Variants in PTPRJ observed in about 807,000 individuals in gnomAD.
PTPRJ encodes receptor-type tyrosine-protein phosphatase eta.
A neutral mutation model predicts 141.3 loss-of-function variants in PTPRJ; 129 were observed. The observed-to-expected ratio is 0.91, with a 90% CI of 0.79 to 1.06. The LOEUF (loss-of-function observed/expected upper bound fraction) is 1.06. PTPRJ is among the 50% of genes least tolerant of loss of function. The pLI is 0.00. For missense variants in PTPRJ, 1,601 were observed against 1,679.7 expected, an observed-to-expected ratio of 0.95 and a Z score of 0.82; for synonymous variants, 610 against 640.5, an observed-to-expected ratio of 0.95 and a Z score of 0.72.
At chr11:48,046,908 ATATATT>A (rs1331858197) in intron 1 of PTPRJ, among the ~76,000 whole-genome samples, 3 of 85,910 alleles carry the variant, frequency 3.5e-5, no homozygotes, top group African/African-American at 8.5e-5. Flanking sequence ...ATATATATAT[ATATATT>A]TTTTTTTTTT....
chr11:48,150,289 G>A, intron 18 of PTPRJ, 106 bp downstream of exon 18: 1 of 874,734 alleles, frequency 1.1e-6, no homozygotes, highest in South Asian at 1.5e-5. Flanking sequence ...AACACTCGAG[G>A]GACTGTAGGC....
chr11:48,071,027 T>G (rs1855232102), intron 1 of PTPRJ, among the ~76,000 whole-genome samples: 1 of 152,210 alleles, frequency 6.6e-6, no homozygotes, highest in Non-Finnish European at 1.5e-5. Context: ...TACAAATTGC[T>G]GTTAAAGTAT....
At chr11:48,166,575 A>G (rs1184189684) in intron 24 of PTPRJ, among the ~76,000 whole-genome samples, 1 of 152,002 alleles carries the variant, frequency 6.6e-6, no homozygotes, top group Non-Finnish European at 1.5e-5. Flanking sequence ...TGGCCTCCCC[A>G]AAGTGCTGGG....
chr11:48,086,701 G>A (rs1355018841), intron 1 of PTPRJ, among the ~76,000 whole-genome samples: 1 of 152,206 alleles, frequency 6.6e-6, no homozygotes, highest in South Asian at 2.1e-4. Flanking sequence ...GGCCACCTGC[G>A]TCTCTCGACT....
At position 48,098,801 on chromosome 11, in the gene PTPRJ, G is replaced by A. The variant is rs558577715; in HGVS notation, c.97-11257G>A. Among the ~76,000 whole-genome samples the A allele has an allele frequency of 2.4e-3, 38 of 16,006 alleles. 12 individuals are homozygous for A. The highest frequency in any genetic ancestry group is 3.4e-3 in the African/African-American group (38 of 11,108). 10.5% of individuals were successfully genotyped at this position (16,006 alleles called of 152,430 possible). On this transcript the variant is annotated intron_variant, in intron 1 of 24. Coordinates refer to ENST00000418331, the MANE Select transcript of PTPRJ (RefSeq NM_002843.4). ...CCCAAAGTGCTGGGATTACAGGCGT[G>A]AGCCACCGCGCCCGGCCTTTATCTC...
At chr11:48,024,426 G>C (rs1235701335) in intron 1 of PTPRJ, among the ~76,000 whole-genome samples, 2 of 152,188 alleles carry the variant, frequency 1.3e-5, no homozygotes, top group Non-Finnish European at 2.9e-5. Flanking sequence ...TCGAACTCCT[G>C]ACCTCAAGTG....
intron 6 of PTPRJ, among the ~76,000 whole-genome samples, chr11:48,127,040 C>T (rs931225503): frequency 2.0e-5 from 3 of 152,168 alleles, no homozygotes; most frequent in Non-Finnish European, 2.9e-5. Context: ...GGACAGGAGG[C>T]CCAGAGCAGG....
chr11:48,147,590 A>G (rs1454040760), intron 15 of PTPRJ, among the ~76,000 whole-genome samples: 2 of 152,206 alleles, frequency 1.3e-5, no homozygotes, highest in African/African-American at 4.8e-5. Context: ...GTCCCTTCCA[A>G]GGATGCAGAA....
At chr11:48,001,349 A>AGTGTGTGT (rs57503257) in intron 1 of PTPRJ, among the ~76,000 whole-genome samples, 2,168 of 134,726 alleles carry the variant, frequency 0.016, 16 homozygotes, top group Non-Finnish European at 0.02. Flanking sequence ...ACAGCCCCAA[A>AGTGTGTGT]GTGTGTGTGT....
At chr11:48,091,268 C>A (rs916963096) in intron 1 of PTPRJ, among the ~76,000 whole-genome samples, 1 of 152,144 alleles carries the variant, frequency 6.6e-6, no homozygotes, top group Non-Finnish European at 1.5e-5. Flanking sequence ...GAGAGCATCC[C>A]TTATATCACA....
intron 1 of PTPRJ, among the ~76,000 whole-genome samples, chr11:47,987,349 G>T (rs1452708058): frequency 6.6e-6 from 1 of 152,090 alleles, no homozygotes; most frequent in African/African-American, 2.4e-5. Context: ...ATAAAAAGTT[G>T]GTCTAAAGAA....
Position 48,159,933 on chromosome 11 carries a change from A to G in PTPRJ, c.3442A>G (p.Lys1148Glu). The G allele has an allele frequency of 6.2e-7, 1 of 1,613,996 alleles. No homozygotes were observed. The highest frequency in any genetic ancestry group is 8.5e-7 in the Non-Finnish European group (1 of 1,179,916). ...LTKCVEQGRTKCEEYWPSKQA... is the reference protein window; with the variant it reads ...LTKCVEQGRTECEEYWPSKQA... The stretch of plus-strand genomic sequence containing the variant: ...TAAAAATGCAATTTTGTTCTAGACC[A>G]AATGTGAGGAGTATTGGCCCTCCAA... Residue 1148 changes from lysine (K) to glutamate (E), a missense_variant, in exon 22 of 25, where the codon AAA becomes GAA. Lys to Glu is a moderately conservative substitution (Grantham distance 56, BLOSUM62 1). Transcript: ENST00000418331.
Position 48,137,226 on chromosome 11 carries a change from A to C in PTPRJ, c.2097A>C (p.Ala699=), listed in dbSNP as rs1857124914. 1.9e-6 allele frequency: 3 copies of C among 1,613,870 alleles called. No individual in the cohort carries two copies. The East Asian group carries it at 6.7e-5, about 36-fold the overall frequency. Residue 699 remains alanine, a synonymous_variant, in exon 10 of 25, where the codon GCA becomes GCC. Coordinates refer to ENST00000418331, the MANE Select transcript of PTPRJ (RefSeq NM_002843.4). ...PGSSYTVEIF[A]QVGDGIKSLE... is the part of the protein sequence containing the mutation. The stretch of plus-strand genomic sequence containing the variant: ...CATCATACACAGTGGAGATCTTTGC[A>C]CAAGTAGGGGATGGGATCAAGTCAC...
intron 8 of PTPRJ, among the ~76,000 whole-genome samples, chr11:48,131,070 A>ATTTT (rs71045547): frequency 1.5e-4 from 7 of 46,546 alleles, no homozygotes; most frequent in African/African-American, 2.1e-4. Context: ...ATATATATAT[A>ATTTT]TTTTTTTTTT....
chr11:48,010,077 A>C (rs978395836), intron 1 of PTPRJ, among the ~76,000 whole-genome samples: 1 of 152,192 alleles, frequency 6.6e-6, no homozygotes, highest in African/African-American at 2.4e-5. Flanking sequence ...CTTGCATGTG[A>C]TGGAGTAACT....
intron 14 of PTPRJ, 21 bp downstream of exon 14, chr11:48,145,145 C>G (rs747425227): frequency 8.7e-6 from 14 of 1,612,948 alleles, no homozygotes; most frequent in Non-Finnish European, 1.7e-6. Context: ...GACAACAGTC[C>G]TGGCACTGGT....
intron 1 of PTPRJ, among the ~76,000 whole-genome samples, chr11:48,021,457 T>A (rs1158696229): frequency 6.6e-6 from 1 of 150,516 alleles, no homozygotes; most frequent in Non-Finnish European, 1.5e-5. Context: ...GAGGTTAAGG[T>A]TTATACGCAG....
chr11:48,110,037 C>T (rs775332375), intron 1 of PTPRJ, 21 bp from the exon 2 acceptor site: 3 of 1,613,564 alleles, frequency 1.9e-6, no homozygotes, highest in African/African-American at 1.3e-5. Flanking sequence ...TGCTGACTTC[C>T]GTTTTCTTTT....
At chr11:48,031,027 T>C (rs890889848) in intron 1 of PTPRJ, among the ~76,000 whole-genome samples, 1 of 152,202 alleles carries the variant, frequency 6.6e-6, no homozygotes, top group Non-Finnish European at 1.5e-5. Context: ...TTCAAAGTAC[T>C]GAAACAGATT....
Sources: allele counts gnomAD v4.1 joint callset (sites outside exome capture counted in the v4.1 genomes callset), GRCh38; gene constraint gnomAD v4.1.1; transcripts MANE v1.5; gene names NCBI Gene and HGNC (gene_info 2026-07-23, HGNC 2026-07-21).